Variants in ABCG2 observed in about 807,000 individuals in gnomAD.
ABCG2 encodes the protein ATP binding cassette subfamily G member 2 (JR blood group).
A neutral mutation model predicts 73.5 loss-of-function variants in ABCG2; 80 were observed. That is an observed-to-expected ratio of 1.09 (90% CI 0.91 to 1.31). The LOEUF (loss-of-function observed/expected upper bound fraction) is 1.31. Ranked by LOEUF, ABCG2 falls within the 50% of genes most tolerant of loss-of-function variation. ABCG2 has a pLI of 0.00. For missense variants in ABCG2, 796 were observed against 786.2 expected, an observed-to-expected ratio of 1.01 and a Z score of -0.15; for synonymous variants, 269 against 282.4, an observed-to-expected ratio of 0.95 and a Z score of 0.48.
In ABCG2 at chr4:88,141,218, T is replaced by C. The variant is rs45555838; in HGVS notation, c.-19-1204A>G. Reference sequence around the variant, plus strand: ...AAGAAGAAACTGTTGAAGAGTTCTGTCTGATAAAAGCAACCAAAGCGGCCA... The same window carrying C: ...AAGAAGAAACTGTTGAAGAGTTCTGCCTGATAAAAGCAACCAAAGCGGCCA... On this transcript the variant is annotated intron_variant, in intron 1 of 15. Transcript: ENST00000237612. 7.7e-3 allele frequency among the ~76,000 whole-genome samples: 1,170 copies of C among 152,292 alleles called. 6 individuals carry two copies. Among genetic ancestry groups the C allele is most frequent in the Admixed American group, 0.012 (184 of 15,286 alleles).
rs1305666927 is a variant in ABCG2 at position 88,134,863 on chromosome 4, A to C, written c.204-2228T>G. 6.6e-5 allele frequency among the ~76,000 whole-genome samples: 10 copies of C among 152,240 alleles called. 1 individual carries two copies. The highest frequency in any genetic ancestry group is 2.4e-4 in the African/African-American group (10 of 41,458). ...CAATGATCAAGTATTTACTGTGTAC[A>C]TACAAGATATTCTTCTAGGGCATGG... On this transcript the variant is annotated intron_variant, in intron 2 of 15. Coordinates refer to ENST00000237612, the MANE Select transcript of ABCG2 (RefSeq NM_004827.3).
At chr4:88,108,785 C>T (rs1369277776) in intron 9 of ABCG2, among the ~76,000 whole-genome samples, 4 of 152,096 alleles carry the variant, frequency 2.6e-5, no homozygotes, top group Admixed American at 2.0e-4. Context: ...GAACATTATT[C>T]CAATGTTTCT....
intron 1 of ABCG2, among the ~76,000 whole-genome samples, chr4:88,210,523 A>G (rs886160281): frequency 1.3e-5 from 2 of 152,166 alleles, no homozygotes; most frequent in African/African-American, 4.8e-5. Flanking sequence ...TTCTAAAACA[A>G]AAAGAATGGT....
intron 1 of ABCG2, among the ~76,000 whole-genome samples, chr4:88,157,010 G>A (rs1726986137): frequency 6.6e-6 from 1 of 152,150 alleles, no homozygotes; most frequent in African/African-American, 2.4e-5. Context: ...GCTGAGGCAG[G>A]AGAATCGCTA....
chr4:88,199,990 G>A (rs578077686), intron 1 of ABCG2, among the ~76,000 whole-genome samples: 2 of 152,034 alleles, frequency 1.3e-5, no homozygotes, highest in Non-Finnish European at 2.9e-5. Flanking sequence ...GACAGAGCGA[G>A]ACTCCGTCTC....
chr4:88,130,542 C>A lies in ABCG2; in HGVS notation c.531+519G>T, dbSNP rs184689838. Reference sequence around the variant, plus strand: ...CACTTGAATTATCCCAAAACCATCCCCCCTACCCTGGTCCATAGAAAAACT... The same window carrying A: ...CACTTGAATTATCCCAAAACCATCCACCCTACCCTGGTCCATAGAAAAACT... On this transcript the variant is annotated intron_variant, in intron 5 of 15. Transcript: ENST00000237612. Among the ~76,000 whole-genome samples the A allele has an allele frequency of 1.5e-4, 23 of 152,054 alleles. No individual in the cohort carries two copies. The South Asian group carries it at 4.4e-3, about 29-fold the overall frequency.
chr4:88,102,122 A>G (rs1722465433), intron 10 of ABCG2, among the ~76,000 whole-genome samples: 1 of 152,154 alleles, frequency 6.6e-6, no homozygotes, highest in Non-Finnish European at 1.5e-5. Context: ...GCACCACACT[A>G]CCATCAGCAG....
chr4:88,107,076 G>T, intron 10 of ABCG2, 108 bp downstream of exon 10: 1 of 818,456 alleles, frequency 1.2e-6, no homozygotes, highest in Non-Finnish European at 1.9e-6. Context: ...CTCAATAAAA[G>T]AATGACATTT....
chr4:88,107,314 G>C, intron 9 of ABCG2, 48 bp from the exon 10 acceptor site: 1 of 1,335,930 alleles, frequency 7.5e-7, no homozygotes, highest in Non-Finnish European at 1.0e-6. Flanking sequence ...TTCAATTAGA[G>C]ATAAAAACTT....
At chr4:88,226,206 C>T (rs1477248985) in intron 1 of ABCG2, among the ~76,000 whole-genome samples, 8 of 152,218 alleles carry the variant, frequency 5.3e-5, no homozygotes. Context: ...CAGCAAGAGA[C>T]ATTTCTAAAA....
intron 1 of ABCG2, among the ~76,000 whole-genome samples, chr4:88,183,515 T>C (rs1410585693): frequency 3.9e-5 from 6 of 151,964 alleles, no homozygotes; most frequent in Admixed American, 2.0e-4. Flanking sequence ...GAATGAACCA[T>C]AATGAAATCC....
At chr4:88,230,105 G>T (rs1730393577) in intron 1 of ABCG2, among the ~76,000 whole-genome samples, 1 of 149,492 alleles carries the variant, frequency 6.7e-6, no homozygotes. Context: ...CGATTCTCCT[G>T]CCTCAGCCTT....
rs1049480008 is a variant in ABCG2 at position 88,154,646 on chromosome 4, G to A, written c.-20+3740C>T. Among the ~76,000 whole-genome samples the A allele has an allele frequency of 5.3e-5, 8 of 152,236 alleles. No individual in the cohort carries two copies. In the South Asian group the frequency reaches 1.0e-3, roughly 20 times the overall value. On this transcript the variant is annotated intron_variant, in intron 1 of 15. Transcript: ENST00000237612. Reference sequence around the variant, plus strand: ...ATATGCGGAAATGGGGTGAATGCCCGGTGGATCAGAGAGATAGTCATGGGG... The same window carrying A: ...ATATGCGGAAATGGGGTGAATGCCCAGTGGATCAGAGAGATAGTCATGGGG...
At chr4:88,174,796 C>G (rs1727892254) in intron 1 of ABCG2, among the ~76,000 whole-genome samples, 1 of 152,202 alleles carries the variant, frequency 6.6e-6, no homozygotes, top group Admixed American at 6.5e-5. Flanking sequence ...GTCATGAAGT[C>G]TTTGCTCATG....
intron 10 of ABCG2, among the ~76,000 whole-genome samples, chr4:88,106,543 A>G (rs181813822): frequency 6.6e-6 from 1 of 152,342 alleles, no homozygotes; most frequent in African/African-American, 2.4e-5. Flanking sequence ...TTCCACTTAT[A>G]TGAGGGTCTT....
intron 13 of ABCG2, 120 bp downstream of exon 13, chr4:88,097,333 A>G: frequency 8.7e-7 from 1 of 1,149,906 alleles, no homozygotes; most frequent in Non-Finnish European, 1.2e-6. Flanking sequence ...GATGGCCTTA[A>G]GTAAAGCAGA....
intron 2 of ABCG2, among the ~76,000 whole-genome samples, chr4:88,136,769 A>G (rs1282285884): frequency 1.3e-5 from 2 of 151,954 alleles, no homozygotes; most frequent in African/African-American, 4.8e-5. Context: ...TAATCCCTAC[A>G]TTTTGGGAGG....
chr4:88,218,798 G>A (rs973855547), intron 1 of ABCG2, among the ~76,000 whole-genome samples: 2 of 152,234 alleles, frequency 1.3e-5, no homozygotes, highest in Non-Finnish European at 2.9e-5. Flanking sequence ...TCAGAGAAGA[G>A]TAGACAATAT....
intron 1 of ABCG2, among the ~76,000 whole-genome samples, chr4:88,167,314 C>T (rs1270467727): frequency 5.3e-5 from 8 of 151,676 alleles, no homozygotes; most frequent in Admixed American, 5.2e-4. Flanking sequence ...GTGGCCCCTC[C>T]ACTTTCAAAA....
Sources: gnomAD v4.1 joint callset for allele counts (sites outside exome capture counted in the v4.1 genomes callset) on GRCh38, gnomAD v4.1.1 for gene constraint, MANE v1.5 for transcripts, NCBI Gene and HGNC (gene_info 2026-07-23, HGNC 2026-07-21) for gene names.